Variants in TENM1 observed in about 807,000 individuals in gnomAD.
The protein encoded by TENM1 is teneurin-1.
TENM1 carries 35 observed loss-of-function variants against 174.8 expected under a neutral mutation model. The observed-to-expected ratio is 0.20, with a 90% confidence interval of 0.15 to 0.27. The LOEUF (loss-of-function observed/expected upper bound fraction) is 0.27. TENM1 is among the 10% of genes least tolerant of loss of function. TENM1 has a pLI of 1.00. For missense variants in TENM1, 1,633 were observed against 2,130.1 expected (o/e 0.77, Z 4.59); for synonymous variants, 781 against 798.7 (o/e 0.98, Z 0.37).
At chrX:124,626,987 A>G (rs1302167383) in intron 11 of TENM1, among the ~76,000 whole-genome samples, 1 of 112,241 alleles carries the variant, frequency 8.9e-6, no homozygotes, top group Non-Finnish European at 1.9e-5. Context: ...CTAACTACCC[A>G]TCGTTAAGAT....
intron 13 of TENM1, among the ~76,000 whole-genome samples, chrX:124,562,419 T>TAG (rs1197698577): frequency 1.8e-5 from 2 of 112,444 alleles, no homozygotes; most frequent in African/African-American, 6.5e-5. Flanking sequence ...ATTGAAATCT[T>TAG]TACTTCCATG....
intron 3 of TENM1, among the ~76,000 whole-genome samples, chrX:124,839,136 G>A (rs774807171): frequency 2.7e-5 from 3 of 111,307 alleles, no homozygotes; most frequent in Non-Finnish European, 5.7e-5. Context: ...TGCCTTTATC[G>A]ACCTGAAAAA....
the TENM1 span, among the ~76,000 whole-genome samples, chrX:125,124,350 TAAGAA>T: frequency 8.9e-6 from 1 of 112,273 alleles, no homozygotes; most frequent in Non-Finnish European, 1.9e-5. Flanking sequence ...TTGGATATGA[TAAGAA>T]AAGTCAGGAT....
chrX:125,022,428 A>C, the TENM1 span, among the ~76,000 whole-genome samples: 1 of 111,767 alleles, frequency 8.9e-6, no homozygotes, highest in Non-Finnish European at 1.9e-5. Context: ...ACAATATAAA[A>C]ACTTTCAGGC....
chrX:124,979,988 T>C, the TENM1 span, among the ~76,000 whole-genome samples: 2 of 111,915 alleles, frequency 1.8e-5, no homozygotes, highest in Non-Finnish European at 3.8e-5. Context: ...TGCAATATGG[T>C]ATTGTAGTTA....
the TENM1 span, among the ~76,000 whole-genome samples, chrX:124,976,072 A>T: frequency 9.0e-6 from 1 of 111,217 alleles, no homozygotes; most frequent in African/African-American, 3.3e-5. Flanking sequence ...GTATAGGTTA[A>T]AGTTGTCAGC....
chrX:125,010,333 T>C, the TENM1 span, among the ~76,000 whole-genome samples: 18,295 of 108,902 alleles, frequency 0.17, 1,268 homozygotes, highest in South Asian at 0.24. Context: ...ACATGAAGGA[T>C]CTCTTCATGG....
chrX:124,477,774 T>A (rs867423990), intron 22 of TENM1, among the ~76,000 whole-genome samples: 878 of 95,415 alleles, frequency 9.2e-3, no homozygotes, highest in African/African-American at 0.034. Context: ...AAAAAAAAAA[T>A]GGCATCATGG....
At chrX:125,142,759 A>T in the TENM1 span, among the ~76,000 whole-genome samples, 2 of 111,234 alleles carry the variant, frequency 1.8e-5, no homozygotes, top group Non-Finnish European at 3.8e-5. Flanking sequence ...AAGATGGGCC[A>T]TCTGAAAATA....
At chrX:124,807,059 G>C (rs1284813651) in intron 3 of TENM1, among the ~76,000 whole-genome samples, 2 of 111,617 alleles carry the variant, frequency 1.8e-5, no homozygotes, top group South Asian at 3.8e-4. Context: ...TGTATCACAT[G>C]GTGAGAACAG....
Position 124,611,460 on chromosome X carries a change from A to G in TENM1, c.2077+30331T>C, listed in dbSNP as rs1423349690. Among the ~76,000 whole-genome samples, 13 of 111,743 alleles carry G rather than the reference A, an allele frequency of 1.2e-4. No individual in the cohort carries two copies. In the Admixed American group the frequency reaches 1.2e-3, roughly 11 times the overall value. ...ACCCCACTATATAAAATAGATATAAAGTAGGGAGATCCAAACCTACTTAAC... is the reference window on the plus strand; with the variant it reads ...ACCCCACTATATAAAATAGATATAAGGTAGGGAGATCCAAACCTACTTAAC... On this transcript the variant is annotated intron_variant, in intron 11 of 31. Transcript: ENST00000422452.
the TENM1 span, among the ~76,000 whole-genome samples, chrX:125,086,826 G>C: frequency 9.0e-6 from 1 of 111,148 alleles, no homozygotes; most frequent in African/African-American, 3.3e-5. Context: ...TTAAGGCCAT[G>C]TTCTCATTCA....
chrX:124,475,875 A>G (rs1751700809), intron 22 of TENM1, among the ~76,000 whole-genome samples: 2 of 111,806 alleles, frequency 1.8e-5, no homozygotes. Context: ...CTTTCCCTAT[A>G]GGATAAAATC....
At chrX:125,189,136 C>T in the TENM1 span, among the ~76,000 whole-genome samples, 1 of 112,050 alleles carries the variant, frequency 8.9e-6, no homozygotes, top group Non-Finnish European at 1.9e-5. Context: ...TCTCTGCTCA[C>T]TTCTCCATTG....
At chrX:124,763,141 T>G (rs1269748525) in intron 3 of TENM1, among the ~76,000 whole-genome samples, 2 of 110,873 alleles carry the variant, frequency 1.8e-5, no homozygotes, top group East Asian at 5.7e-4. Flanking sequence ...GAGCAGGTAA[T>G]TGTAAACAGT....
At chrX:124,804,318 T>G (rs2055535360) in intron 3 of TENM1, among the ~76,000 whole-genome samples, 1 of 112,418 alleles carries the variant, frequency 8.9e-6, no homozygotes, top group Non-Finnish European at 1.9e-5. Context: ...ACTTGGTGAT[T>G]ATTCACAATC....
chrX:124,802,752 C>T (rs1313550252), intron 3 of TENM1, among the ~76,000 whole-genome samples: 1 of 111,821 alleles, frequency 8.9e-6, no homozygotes, highest in East Asian at 2.8e-4. Context: ...TGGCCCCACC[C>T]CCCAATAAAG....
chrX:124,986,441 G>C, the TENM1 span, among the ~76,000 whole-genome samples: 1 of 111,890 alleles, frequency 8.9e-6, no homozygotes, highest in Non-Finnish European at 1.9e-5. Context: ...TTTGAGGTGA[G>C]CATTTCTTAT....
At chrX:124,956,508 G>A (rs1250237655) in intron 1 of TENM1, among the ~76,000 whole-genome samples, 1 of 112,230 alleles carries the variant, frequency 8.9e-6, no homozygotes, top group African/African-American at 3.2e-5. Context: ...AATAGAGGGA[G>A]CAGTGGCACA....
Sources: allele counts gnomAD v4.1 joint callset (sites outside exome capture counted in the v4.1 genomes callset), GRCh38; gene constraint gnomAD v4.1.1; transcripts MANE v1.5; gene names NCBI Gene and HGNC (gene_info 2026-07-23, HGNC 2026-07-21).